Variants in PAPPA observed in about 807,000 individuals in gnomAD.
The protein encoded by PAPPA is pappalysin-1.
PAPPA carries 60 observed loss-of-function variants against 164.0 expected under a neutral mutation model. The ratio of observed to expected loss-of-function variants is 0.37; its 90% CI spans 0.30 to 0.45. PAPPA has a LOEUF of 0.45. Ranked by LOEUF, PAPPA falls within the 20% of genes least tolerant of loss-of-function variation. The pLI is 1.00. For missense variants in PAPPA, 1,782 were observed against 2,087.3 expected (o/e 0.85, Z 2.85); for synonymous variants, 875 against 814.1 (o/e 1.07, Z -1.27).
chr9:116,242,508 T>A (rs1248562927), intron 7 of PAPPA, among the ~76,000 whole-genome samples: 1 of 152,226 alleles, frequency 6.6e-6, no homozygotes, highest in African/African-American at 2.4e-5. Flanking sequence ...TACTTCAATC[T>A]TTTTAGCTGC....
At chr9:116,242,177 A>G (rs1425156832) in intron 7 of PAPPA, among the ~76,000 whole-genome samples, 1 of 152,064 alleles carries the variant, frequency 6.6e-6, no homozygotes, top group Non-Finnish European at 1.5e-5. Flanking sequence ...CACGGGGGGC[A>G]GGGGGGCTGT....
chr9:116,382,269 G>T, intron 20 of PAPPA, 126 bp from the exon 21 acceptor site: 1 of 680,184 alleles, frequency 1.5e-6, no homozygotes, highest in Non-Finnish European at 2.7e-6. Flanking sequence ...GGGATGTGAA[G>T]CCTGGCCAGC....
At chr9:116,358,487 C>T (rs1800179822) in intron 17 of PAPPA, among the ~76,000 whole-genome samples, 1 of 152,112 alleles carries the variant, frequency 6.6e-6, no homozygotes, top group African/African-American at 2.4e-5. Flanking sequence ...CATTATTGCC[C>T]CATTTTACAG....
chr9:116,367,823 T>C (rs1846522283), intron 19 of PAPPA, 69 bp downstream of exon 19: 1 of 1,018,730 alleles, frequency 9.8e-7, no homozygotes, highest in African/African-American at 1.6e-5. Context: ...GAGCACTTGC[T>C]ATGTCCCGGT....
At chr9:116,184,616 A>T (rs949107077) in intron 1 of PAPPA, among the ~76,000 whole-genome samples, 2 of 152,172 alleles carry the variant, frequency 1.3e-5, no homozygotes, top group African/African-American at 4.8e-5. Context: ...AGAGATACAG[A>T]TGAAGGAATT....
chr9:116,269,778 G>C (rs1266389575), intron 8 of PAPPA, among the ~76,000 whole-genome samples: 1 of 152,274 alleles, frequency 6.6e-6, no homozygotes, highest in Non-Finnish European at 1.5e-5. Context: ...TGTTTTTAAA[G>C]TCTTTTCCAA....
intron 10 of PAPPA, among the ~76,000 whole-genome samples, chr9:116,324,887 C>T (rs1430334624): frequency 6.6e-6 from 1 of 152,158 alleles, no homozygotes; most frequent in Non-Finnish European, 1.5e-5. Flanking sequence ...TTGGTGGAAG[C>T]TGCTGAAACC....
intron 2 of PAPPA, among the ~76,000 whole-genome samples, chr9:116,196,678 T>A (rs1392953046): frequency 6.6e-6 from 1 of 152,142 alleles, no homozygotes; most frequent in Non-Finnish European, 1.5e-5. Context: ...TGTTCATGGG[T>A]TTGTTTGCAT....
At chr9:116,175,368 A>G (rs1403612619) in intron 1 of PAPPA, among the ~76,000 whole-genome samples, 1 of 152,210 alleles carries the variant, frequency 6.6e-6, no homozygotes, top group African/African-American at 2.4e-5. Flanking sequence ...TTGCTAGGAA[A>G]ATAGATTTTA....
intron 8 of PAPPA, among the ~76,000 whole-genome samples, chr9:116,267,658 G>A (rs1845083537): frequency 6.6e-6 from 1 of 151,984 alleles, no homozygotes; most frequent in South Asian, 2.1e-4. Flanking sequence ...TGGATCATGA[G>A]GTCAGGAGAT....
intron 10 of PAPPA, among the ~76,000 whole-genome samples, chr9:116,306,980 A>T (rs1157799741): frequency 6.6e-6 from 1 of 152,204 alleles, no homozygotes; most frequent in Admixed American, 6.5e-5. Flanking sequence ...TGAGGGTAAA[A>T]CTTAGACTAA....
intron 21 of PAPPA, among the ~76,000 whole-genome samples, chr9:116,386,330 C>T (rs1324391632): frequency 1.3e-5 from 2 of 152,080 alleles, no homozygotes; most frequent in East Asian, 1.9e-4. Flanking sequence ...TCTTGGACAC[C>T]CCCAACTACT....
In PAPPA at chr9:116,344,642, G is replaced by C. The variant is rs368450452; in HGVS notation, c.3711G>C (p.Gln1237His). 7.1e-5 allele frequency: 114 copies of C among 1,614,080 alleles called. No homozygotes were observed. Among genetic ancestry groups the C allele is most frequent in the Non-Finnish European group, 9.4e-5 (111 of 1,180,034 alleles). Residue 1237 changes from glutamine to histidine, a missense_variant, in exon 14 of 22, where the codon CAG (glutamine) becomes CAC (histidine). By Grantham distance (24) the Gln-to-His change is conservative. Around this residue, in one of 2 missense-constraint regions of PAPPA, gnomAD observed 1,324 missense variants for 1,656.9 expected, o/e 0.80. Transcript: ENST00000328252. ...CSSSDRYHGA[Q>H]CTVSCRTGYV... ...GCAGCGACCGCTACCACGGTGCCCA[G>C]TGTACTGTGAGCTGCCGGACAGGCT...
At chr9:116,221,722 G>GA (rs199547238) in intron 5 of PAPPA, among the ~76,000 whole-genome samples, 2,581 of 149,612 alleles carry the variant, frequency 0.017, 59 homozygotes, top group East Asian at 0.097. Flanking sequence ...CCCCCGCAAG[G>GA]CAAAAAAAAA....
At chr9:116,302,003 T>C (rs879882616) in intron 9 of PAPPA, among the ~76,000 whole-genome samples, 1 of 152,198 alleles carries the variant, frequency 6.6e-6, no homozygotes, top group Non-Finnish European at 1.5e-5. Context: ...AGTTTGCCTC[T>C]GTGAAATTCT....
At chr9:116,243,067 A>C (rs1844754657) in intron 7 of PAPPA, among the ~76,000 whole-genome samples, 2 of 152,202 alleles carry the variant, frequency 1.3e-5, no homozygotes, top group African/African-American at 2.4e-5. Context: ...TTTCAATGTC[A>C]GCCCTATTGC....
chr9:116,196,382 C>G (rs1484594897), intron 2 of PAPPA, among the ~76,000 whole-genome samples: 5 of 152,204 alleles, frequency 3.3e-5, no homozygotes, highest in African/African-American at 1.2e-4. Context: ...TCTCATTTTC[C>G]TTTCTGCATC....
At chr9:116,237,300 T>G (rs530631351) in intron 7 of PAPPA, among the ~76,000 whole-genome samples, 1 of 152,344 alleles carries the variant, frequency 6.6e-6, no homozygotes, top group African/African-American at 2.4e-5. Flanking sequence ...GAGAATGTAC[T>G]TAAAATTTAA....
intron 21 of PAPPA, among the ~76,000 whole-genome samples, chr9:116,386,710 C>T (rs1483067777): frequency 1.3e-5 from 2 of 152,138 alleles, no homozygotes; most frequent in African/African-American, 2.4e-5. Context: ...CATGACCCTC[C>T]CTGTTCTGGT....
Sources: allele counts gnomAD v4.1 joint callset (sites outside exome capture counted in the v4.1 genomes callset), GRCh38; gene constraint gnomAD v4.1.1; regional missense constraint gnomAD v4.1.1; transcripts MANE v1.5; gene names NCBI Gene and HGNC (gene_info 2026-07-23, HGNC 2026-07-21).